Variants in FUT8 observed in about 807,000 individuals in gnomAD.
FUT8 encodes alpha-(1,6)-fucosyltransferase.
In FUT8, 29 loss-of-function variants were observed where a neutral mutation model predicts 71.3. The ratio of observed to expected loss-of-function variants is 0.41; its 90% confidence interval spans 0.30 to 0.55. The LOEUF is 0.55. Ranked by LOEUF, FUT8 falls within the 20% of genes least tolerant of loss-of-function variation. FUT8 has a pLI of 0.34. For synonymous variants in FUT8, 254 were observed against 239.3 expected (o/e 1.06, Z -0.57); for missense variants, 544 against 702.1 (o/e 0.77, Z 2.55).
At position 65,669,095 on chromosome 14, in the gene FUT8, G is replaced by A. The variant is rs549693778; in HGVS notation, c.598-148G>A. The stretch of plus-strand genomic sequence containing the variant: ...TATCACTTACTATGCTGATTACTTG[G>A]GGTGTATACCAAACCCCACGACACA... On this transcript the variant is annotated intron_variant, in intron 6 of 10. Coordinates refer to ENST00000673929, the MANE Select transcript of FUT8 (RefSeq NM_001371533.1). The surrounding 1 kb of genome is among the most constrained non-coding windows in gnomAD (Gnocchi z 4.5). The A allele has an allele frequency of 1.1e-5, 7 of 613,370 alleles. No individual in the cohort carries two copies. The highest frequency in any genetic ancestry group is 3.0e-5 in the Admixed American group (1 of 33,868). The allele number at this position is 613,370 out of a possible 1,614,324, so 38.0% of individuals were successfully genotyped here.
At chr14:65,427,133 A>G (rs536192710) in intron 1 of FUT8, among the ~76,000 whole-genome samples, 2 of 152,212 alleles carry the variant, frequency 1.3e-5, no homozygotes, top group African/African-American at 4.8e-5. Context: ...AAGTGCTGGG[A>G]TTACAGGCGT....
rs764201564 is a variant in FUT8 at position 65,616,092 on chromosome 14, T to C, written c.318T>C (p.Asn106=). ...QIENYKKQTR[N]GLGKDHEILR... ...AAAATTACAAGAAACAGACCAGAAA[T>C]GGTAGGTGATTATACAGTGTTTTCC... The change falls in exon 4 of 11, where the codon AAT becomes AAC. Residue 106 remains asparagine, a splice_region_variant and synonymous_variant. Transcript: ENST00000673929. 4 of 1,612,666 alleles carry C rather than the reference T, an allele frequency of 2.5e-6. No individual in the cohort carries two copies. Among genetic ancestry groups the C allele is most frequent in the Non-Finnish European group, 3.4e-6 (4 of 1,178,918 alleles).
At chr14:65,548,286 A>T (rs149219353) in intron 2 of FUT8, among the ~76,000 whole-genome samples, 2 of 151,974 alleles carry the variant, frequency 1.3e-5, no homozygotes, top group Non-Finnish European at 2.9e-5. Flanking sequence ...TTTTCAACCT[A>T]TAGTTTTTCC....
chr14:65,374,449 A>T, the FUT8 span, among the ~76,000 whole-genome samples: 1 of 152,152 alleles, frequency 6.6e-6, no homozygotes, highest in Admixed American at 6.5e-5. Flanking sequence ...TGCCCACACC[A>T]TGAAAGACCA....
upstream of FUT8, among the ~76,000 whole-genome samples, chr14:65,407,141 A>ATT (rs2065091481): frequency 6.6e-6 from 1 of 152,166 alleles, no homozygotes; most frequent in South Asian, 2.1e-4. Flanking sequence ...TGTTACATAA[A>ATT]AGTTGAACCA....
At chr14:65,647,961 A>G (rs1456876588) in intron 6 of FUT8, among the ~76,000 whole-genome samples, 1 of 151,952 alleles carries the variant, frequency 6.6e-6, no homozygotes, top group Non-Finnish European at 1.5e-5. Flanking sequence ...CTTAGGGAGC[A>G]TATATTTCTG....
At chr14:65,477,036 A>G (rs147762121) in intron 2 of FUT8, among the ~76,000 whole-genome samples, 112 of 152,294 alleles carry the variant, frequency 7.4e-4, no homozygotes, top group African/African-American at 2.6e-3. Context: ...CTCTACTTAA[A>G]TATAAGCTTT....
the FUT8 span, among the ~76,000 whole-genome samples, chr14:65,391,154 T>C: frequency 6.6e-6 from 1 of 152,208 alleles, no homozygotes; most frequent in Non-Finnish European, 1.5e-5. Flanking sequence ...TTTTATACTA[T>C]TTAATTAATC....
chr14:65,701,298 C>A, intron 7 of FUT8, among the ~76,000 whole-genome samples: 1 of 152,136 alleles, frequency 6.6e-6, no homozygotes. Context: ...TATTTAAGGA[C>A]GGAAGCAAAA....
chr14:65,575,402 A>G (rs1886702239), intron 3 of FUT8, among the ~76,000 whole-genome samples: 1 of 152,100 alleles, frequency 6.6e-6, no homozygotes, highest in Non-Finnish European at 1.5e-5. Context: ...TACATATGTA[A>G]TCTTTCATAC....
the FUT8 span, among the ~76,000 whole-genome samples, chr14:65,395,052 C>G: frequency 6.6e-6 from 1 of 152,174 alleles, no homozygotes; most frequent in African/African-American, 2.4e-5. Context: ...ACAGTCAAAC[C>G]TTAAGGCTTC....
chr14:65,677,147 T>TGCGCGC (rs1450622099), intron 7 of FUT8, among the ~76,000 whole-genome samples: 8 of 102,810 alleles, frequency 7.8e-5, no homozygotes, highest in Non-Finnish European at 1.2e-4. Flanking sequence ...TGTGTGTGTG[T>TGCGCGC]GTGTGCGCGC....
At chr14:65,516,479 T>A (rs1049569615) in intron 2 of FUT8, 1 of 152,148 alleles carries the variant, frequency 6.6e-6, no homozygotes, top group Non-Finnish European at 1.5e-5. Context: ...GTTTGCAGAG[T>A]TAGAGTAAAT....
chr14:65,506,727 A>T (rs1417968002), intron 2 of FUT8, among the ~76,000 whole-genome samples: 2 of 152,228 alleles, frequency 1.3e-5, no homozygotes, highest in South Asian at 4.1e-4. Flanking sequence ...TAAAAATCAC[A>T]TCATGGACAA....
At chr14:65,478,740 C>G (rs1159214772) in intron 2 of FUT8, among the ~76,000 whole-genome samples, 1 of 152,162 alleles carries the variant, frequency 6.6e-6, no homozygotes, top group African/African-American at 2.4e-5. Flanking sequence ...TAGTGTCTTT[C>G]CACTCTGACC....
the FUT8 span, among the ~76,000 whole-genome samples, chr14:65,395,101 C>T: frequency 2.0e-5 from 3 of 152,202 alleles, no homozygotes; most frequent in Non-Finnish European, 4.4e-5. Flanking sequence ...ACATCCAGGT[C>T]ATGCTGATGC....
chr14:65,700,381 G>GTTTTTTTTTTTTTTTTTT (rs763718984), intron 7 of FUT8, among the ~76,000 whole-genome samples: 1 of 48,848 alleles, frequency 2.0e-5, no homozygotes, highest in Non-Finnish European at 3.5e-5. Context: ...CTTTCTTTCT[G>GTTTTTTTTTTTTTTTTTT]TTTTTTTTTT....
chr14:65,632,855 A>C (rs1447078918), intron 6 of FUT8, among the ~76,000 whole-genome samples: 1 of 152,202 alleles, frequency 6.6e-6, no homozygotes, highest in Non-Finnish European at 1.5e-5. Context: ...TTCAGGTCTC[A>C]GATTTAAGTC....
chr14:65,443,390 A>C (rs1314011087), intron 1 of FUT8, among the ~76,000 whole-genome samples: 1 of 148,202 alleles, frequency 6.7e-6, no homozygotes, highest in Non-Finnish European at 1.5e-5. Flanking sequence ...AGCCTGGGCA[A>C]CAGAGCGAGA....
Sources: allele counts gnomAD v4.1 joint callset (sites outside exome capture counted in the v4.1 genomes callset), GRCh38; gene constraint gnomAD v4.1.1; non-coding constraint Gnocchi (gnomAD v3.1); transcripts MANE v1.5; gene names NCBI Gene and HGNC (gene_info 2026-07-23, HGNC 2026-07-21).